The following CUL7 variants were observed in gnomAD, a reference collection of about 807,000 sequenced individuals.
The protein encoded by CUL7 is cullin-7.
A neutral mutation model predicts 177.7 loss-of-function variants in CUL7; 96 were observed. That is an observed-to-expected ratio of 0.54 (90% CI 0.46 to 0.64). The LOEUF is 0.64. Ranked by LOEUF, CUL7 falls within the 30% of genes least tolerant of loss-of-function variation. The probability of loss-of-function intolerance (pLI) is 0.00; values close to 1 mark genes in which losing one functional copy is unlikely to be tolerated. For synonymous variants in CUL7, 824 were observed against 890.2 expected (o/e 0.93, Z 1.32); for missense variants, 1,893 against 2,187.9 (o/e 0.87, Z 2.69).
rs1308992675 is a variant in CUL7, at chr6:43,048,512, T to C, written c.1883A>G (p.Tyr628Cys). The change falls in exon 8 of 26, where the codon TAT becomes TGT. Residue 628 changes from tyrosine to cysteine, a missense_variant. Tyr to Cys is a radical substitution (Grantham distance 194). Coordinates refer to ENST00000265348, the MANE Select transcript of CUL7 (RefSeq NM_014780.5). ...CAGGAGGATTTTCCCAGCTGGACCA[T>C]AACCCTCCACCAGACGCTGCAGGGG... is the stretch of plus-strand genomic sequence containing the variant. Reference protein sequence around the residue: ...NTPLQRLVEGYGPAGKILLDL... With the variant: ...NTPLQRLVEGCGPAGKILLDL... 1.9e-6 allele frequency: 3 copies of C among 1,614,118 alleles called. No homozygotes were observed. Among genetic ancestry groups the C allele is most frequent in the East Asian group, 2.2e-5 (1 of 44,878 alleles).
chr6:43,039,196 C>T (rs535028437), intron 22 of CUL7, among the ~76,000 whole-genome samples: 12 of 152,316 alleles, frequency 7.9e-5, no homozygotes, highest in African/African-American at 1.4e-4. Context: ...GGGAGCTATC[C>T]TATGCCTAGC....
chr6:43,040,256 G>T lies in CUL7; in HGVS notation c.4194C>A (p.Ser1398=). ...EVSVLVLSRH[S]WPVASICHTL... ...TGTGGCAGATTGAGGCAACAGGCCAGGAGTGTCGGGACAGGACAAGCACAG... is the reference window on the plus strand; with the variant it reads ...TGTGGCAGATTGAGGCAACAGGCCATGAGTGTCGGGACAGGACAAGCACAG... Residue 1398 remains serine (S), a synonymous_variant, in exon 22 of 26, where the codon TCC becomes TCA. Coordinates refer to ENST00000265348, the MANE Select transcript of CUL7 (RefSeq NM_014780.5). The surrounding 1 kb of genome is among the most constrained non-coding windows in gnomAD (Gnocchi z 4.2). 1 of 1,614,174 alleles carries T rather than the reference G, an allele frequency of 6.2e-7. No homozygotes were observed. The highest frequency in any genetic ancestry group is 1.1e-5 in the South Asian group (1 of 91,078).
chr6:43,050,376 C>G lies in CUL7; in HGVS notation c.1256G>C (p.Arg419Pro), dbSNP rs780120073. 1 of 1,614,092 alleles carries G rather than the reference C, an allele frequency of 6.2e-7. No homozygotes were observed. The highest frequency in any genetic ancestry group is 1.3e-5 in the African/African-American group (1 of 75,014). ...CATGTGCCAGTGCACCCAATAGGTGCGGCCTGTTGACTCCCAAAATACCTG... is the reference window on the plus strand; with the variant it reads ...CATGTGCCAGTGCACCCAATAGGTGGGGCCTGTTGACTCCCAAAATACCTG... The part of the protein sequence containing the change: ...PVQVFWESTG[R>P]TYWVHWHMLE... The change falls in exon 5 of 26, where the codon CGC becomes CCC. Residue 419 changes from arginine (R) to proline (P), a missense_variant. Physicochemically the swap from Arg to Pro is moderately radical, Grantham distance 103. This residue lies in a region of CUL7 where 653 missense variants were observed against 725.2 expected (regional missense o/e 0.90). Transcript: ENST00000265348. This position sits in a 1 kb window ranked among gnomAD's most constrained non-coding sequence, Gnocchi z 4.1.
At position 43,049,411 on chromosome 6, in the gene CUL7, C is replaced by T; in HGVS notation, c.1821G>A (p.Val607=). 6.2e-7 allele frequency: 1 copy of T among 1,614,180 alleles called. No individual in the cohort carries two copies. ...GCTGCTGTGTCTGGCACCCACCTTCCACTTTGGCTGCATCTTCTGAGTCCT... is the reference window on the plus strand; with the variant it reads ...GCTGCTGTGTCTGGCACCCACCTTCTACTTTGGCTGCATCTTCTGAGTCCT... The part of the protein sequence containing the change: ...QAKDSEDAAK[V]EAKEPPSQSP... The change falls in exon 7 of 26, where the codon GTG becomes GTA. Residue 607 remains valine (V), a synonymous_variant. Coordinates refer to ENST00000265348, the MANE Select transcript of CUL7 (RefSeq NM_014780.5).
chr6:43,045,171 T>G lies in CUL7; in HGVS notation c.3038+56A>C. On this transcript the variant is annotated intron_variant, in intron 15 of 25. Transcript: ENST00000265348. This position sits in a 1 kb window ranked among gnomAD's most constrained non-coding sequence, Gnocchi z 4.8. ...CTATGGACCCCTGCCTGCCAGCTATTTGCAATAGCCTTACCTTTCCCACAG... is the reference window on the plus strand; with the variant it reads ...CTATGGACCCCTGCCTGCCAGCTATGTGCAATAGCCTTACCTTTCCCACAG... The G allele has an allele frequency of 6.3e-7, 1 of 1,578,464 alleles. No individual in the cohort carries two copies. The highest frequency in any genetic ancestry group is 8.6e-7 in the Non-Finnish European group (1 of 1,161,140).
rs760139604 is a variant in CUL7 at position 43,051,795 on chromosome 6, C to T, written c.581-32G>A. 1.9e-5 allele frequency: 31 copies of T among 1,612,208 alleles called. No individual in the cohort carries two copies. Among genetic ancestry groups the T allele is most frequent in the Admixed American group, 5.0e-5 (3 of 60,002 alleles). ...CCCACACCCCAGTTGGTAACTTCTCCCTAATCTCACCCTTCCTAGAAATCT... is the reference window on the plus strand; with the variant it reads ...CCCACACCCCAGTTGGTAACTTCTCTCTAATCTCACCCTTCCTAGAAATCT... On this transcript the variant is annotated intron_variant, in intron 2 of 25. Coordinates refer to ENST00000265348, the MANE Select transcript of CUL7 (RefSeq NM_014780.5). This position sits in a 1 kb window ranked among gnomAD's most constrained non-coding sequence, Gnocchi z 5.0.
rs1264697540 is a variant in CUL7, at chr6:43,040,169, G to C, written c.4281C>G (p.Asn1427Lys). 6.2e-7 allele frequency: 1 copy of C among 1,614,192 alleles called. No individual in the cohort carries two copies. The highest frequency in any genetic ancestry group is 8.5e-7 in the Non-Finnish European group (1 of 1,180,038). ...CTGGCTGCTCACTCTTGTTGTAGAA[G>C]TTGGAGTATCTGTTCAAAGTGCCCC... is the stretch of plus-strand genomic sequence containing the variant. ...YLRGTLNRYS[N>K]FYNKSQSHPA... Residue 1427 changes from asparagine to lysine, a missense_variant, in exon 22 of 26, where the codon AAC becomes AAG. Asn to Lys is a moderately conservative substitution (Grantham distance 94). Transcript: ENST00000265348. This position sits in a 1 kb window ranked among gnomAD's most constrained non-coding sequence, Gnocchi z 4.2.
Position 43,038,999 on chromosome 6 carries a change from A to AG in CUL7, c.4295-13dup. ...AGGGTGGCTCTGACCTGGACCAGGA[A>AG]GGGGGAGGGAGACAAAGAGCAGGTG... On this transcript the variant is annotated splice_polypyrimidine_tract_variant and intron_variant, in intron 22 of 25. Coordinates refer to ENST00000265348, the MANE Select transcript of CUL7 (RefSeq NM_014780.5). 6.3e-7 allele frequency: 1 copy of AG among 1,587,070 alleles called. No homozygotes were observed. The highest frequency in any genetic ancestry group is 8.7e-7 in the Non-Finnish European group (1 of 1,155,470).
chr6:43,048,531 G>C lies in CUL7; in HGVS notation c.1864C>G (p.Gln622Glu), dbSNP rs1409592598. The C allele has an allele frequency of 6.2e-7, 1 of 1,614,072 alleles. No individual in the cohort carries two copies. The highest frequency in any genetic ancestry group is 1.3e-5 in the African/African-American group (1 of 74,926). Residue 622 changes from glutamine to glutamate, a missense_variant, in exon 8 of 26, where the codon CAG becomes GAG. Physicochemically the swap from Gln to Glu is conservative, Grantham distance 29. Around this residue, in one of 5 missense-constraint regions of CUL7, gnomAD observed 973 missense variants for 1,140.9 expected, o/e 0.85. Transcript: ENST00000265348. ...GGACCATAACCCTCCACCAGACGCTGCAGGGGAGTGTTGGGACTCTGAGAT... is the reference window on the plus strand; with the variant it reads ...GGACCATAACCCTCCACCAGACGCTCCAGGGGAGTGTTGGGACTCTGAGAT... The part of the protein sequence containing the change: ...PPSQSPNTPL[Q>E]RLVEGYGPAG...
Position 43,049,483 on chromosome 6 carries a change from T to C in CUL7, c.1749A>G (p.Leu583=), listed in dbSNP as rs775748613. The change falls in exon 7 of 26, where the codon CTA becomes CTG. Residue 583 remains leucine (L), a synonymous_variant. Coordinates refer to ENST00000265348, the MANE Select transcript of CUL7 (RefSeq NM_014780.5). ...LAGNQAYPSL[L]EAQEDVLLLD... ...GCAGGAGGACATCTTCTTGGGCTTC[T>C]AGAAGGGATGGGTAGGCTTGGTTCC... 2.4e-5 allele frequency: 38 copies of C among 1,614,128 alleles called. No individual in the cohort carries two copies. In the East Asian group the frequency reaches 7.3e-4, roughly 31 times the overall value.
chr6:43,044,442 T>C (rs1367583399), intron 16 of CUL7, among the ~76,000 whole-genome samples: 1 of 151,468 alleles, frequency 6.6e-6, no homozygotes, highest in Non-Finnish European at 1.5e-5. Context: ...GAGGTTGCAG[T>C]GAGCCAAGAT....
chr6:43,043,509 G>T lies in CUL7; in HGVS notation c.3294C>A (p.His1098Gln), dbSNP rs1299247422. 6.2e-7 allele frequency: 1 copy of T among 1,614,182 alleles called. No individual in the cohort carries two copies. Among genetic ancestry groups the T allele is most frequent in the Admixed American group, 1.7e-5 (1 of 60,024 alleles). The change falls in exon 17 of 26, where the codon CAC becomes CAA. Residue 1098 changes from histidine to glutamine, a missense_variant. By Grantham distance (24) the His-to-Gln change is conservative. This residue lies in a region of CUL7 where 973 missense variants were observed against 1,140.9 expected (regional missense o/e 0.85). Transcript: ENST00000265348. This position sits in a 1 kb window ranked among gnomAD's most constrained non-coding sequence, Gnocchi z 4.2. ...AFFSRVRRLTHLLVHVEPCEA... is the reference protein window; with the variant it reads ...AFFSRVRRLTQLLVHVEPCEA... ...CACAGGGCTCGACATGCACCAGCAG[G>T]TGAGTGAGACGGCGCACCCGCGAGA...
chr6:43,050,197 G>A lies in CUL7; in HGVS notation c.1373-38C>T. ...GCCAAGGGGCACAAGGATGTCACTA[G>A]CAACTCAGCAGGACCACCATTCCTC... On this transcript the variant is annotated intron_variant, in intron 5 of 25. Transcript: ENST00000265348. This position sits in a 1 kb window ranked among gnomAD's most constrained non-coding sequence, Gnocchi z 4.1. The A allele has an allele frequency of 6.2e-7, 1 of 1,614,118 alleles. No homozygotes were observed.
At position 43,046,893 on chromosome 6, in the gene CUL7, C is replaced by T. The variant is rs1305192331; in HGVS notation, c.2384G>A (p.Gly795Glu). 5 of 1,600,110 alleles carry T rather than the reference C, an allele frequency of 3.1e-6. No homozygotes were observed. In the Admixed American group the frequency reaches 8.3e-5, roughly 27 times the overall value. ...LYRKLITNIL[G>E]GCIQMVLGQI... ...CTTCCTCCTGACCTGGATGCAGCCT[C>T]CCAGGATGTTGGTGATGAGTTTGCG... is the stretch of plus-strand genomic sequence containing the variant. Residue 795 changes from glycine (G) to glutamate (E), a missense_variant, in exon 10 of 26, where the codon GGA (glycine) becomes GAA (glutamate). Transcript: ENST00000265348.
chr6:43,051,832 C>A lies in CUL7; in HGVS notation c.581-69G>T. The A allele has an allele frequency of 3.8e-6, 6 of 1,564,696 alleles. No homozygotes were observed. Among genetic ancestry groups the A allele is most frequent in the Non-Finnish European group, 5.3e-6 (6 of 1,135,924 alleles). ...CTTCCTAGAAATCTTAGACCCTCTA[C>A]TCTTTCAATCCAATCCTTTTGCCAC... On this transcript the variant is annotated intron_variant, in intron 2 of 25. Coordinates refer to ENST00000265348, the MANE Select transcript of CUL7 (RefSeq NM_014780.5). The surrounding 1 kb of genome is among the most constrained non-coding windows in gnomAD (Gnocchi z 5.0).
Position 43,040,128 on chromosome 6 carries a change from T to TC in CUL7, c.4294+27dup, listed in dbSNP as rs763013291. On this transcript the variant is annotated intron_variant, in intron 22 of 25. Coordinates refer to ENST00000265348, the MANE Select transcript of CUL7 (RefSeq NM_014780.5). The surrounding 1 kb of genome is among the most constrained non-coding windows in gnomAD (Gnocchi z 4.2). ...TCCTAGCAGCCCACCCTCTCCCCAG[T>TC]CCCCAGTCCCTCTGCCTGGCTGCTC... 5.3e-5 allele frequency: 86 copies of TC among 1,613,970 alleles called. 1 individual carries two copies. The East Asian group carries it at 1.3e-3, about 24-fold the overall frequency.
At position 43,048,118 on chromosome 6, in the gene CUL7, C is replaced by A. The variant is rs373489255; in HGVS notation, c.2169+30G>T. Reference sequence around the variant, plus strand: ...CAGTGGCTGCCTTTATCCTCTCCCCCAGCCTCTCCCCAGAGCAGGGCAGGG... The same window carrying A: ...CAGTGGCTGCCTTTATCCTCTCCCCAAGCCTCTCCCCAGAGCAGGGCAGGG... On this transcript the variant is annotated intron_variant, in intron 9 of 25. Transcript: ENST00000265348. 6.1e-6 allele frequency: 9 copies of A among 1,480,164 alleles called. No individual in the cohort carries two copies. The African/African-American group carries it at 1.1e-4, about 18-fold the overall frequency. 91.7% of individuals were successfully genotyped at this position (1,480,164 alleles called of 1,614,324 possible).
rs773400354 is a variant in CUL7 at position 43,043,536 on chromosome 6, G to T, written c.3267C>A (p.Phe1089Leu). 10 of 1,614,054 alleles carry T rather than the reference G, an allele frequency of 6.2e-6. No individual in the cohort carries two copies. The highest frequency in any genetic ancestry group is 4.5e-5 in the East Asian group (2 of 44,888). Residue 1089 changes from phenylalanine to leucine, a missense_variant, in exon 17 of 26, where the codon TTC (phenylalanine) becomes TTA (leucine). Phe to Leu is a conservative substitution (Grantham distance 22, BLOSUM62 0). Around this residue, in one of 5 missense-constraint regions of CUL7, gnomAD observed 973 missense variants for 1,140.9 expected, o/e 0.85. Coordinates refer to ENST00000265348, the MANE Select transcript of CUL7 (RefSeq NM_014780.5). The surrounding 1 kb of genome is among the most constrained non-coding windows in gnomAD (Gnocchi z 4.2). ...VFNPQSRGPAFFSRVRRLTHL... is the reference protein window; with the variant it reads ...VFNPQSRGPALFSRVRRLTHL... ...GAGTGAGACGGCGCACCCGCGAGAA[G>T]AAAGCTGGGCCGCGGCTCTGGGGGT...
chr6:43,041,152 G>A, intron 19 of CUL7, 77 bp from the exon 20 acceptor site: 1 of 1,458,866 alleles, frequency 6.9e-7, no homozygotes, highest in Non-Finnish European at 9.5e-7. Flanking sequence ...ATGAGGGTCT[G>A]GAAAGTAGAT....
Sources: gnomAD v4.1 joint callset for allele counts (sites outside exome capture counted in the v4.1 genomes callset) on GRCh38, gnomAD v4.1.1 for gene constraint, gnomAD v4.1.1 regional missense constraint, Gnocchi (gnomAD v3.1) non-coding constraint, MANE v1.5 for transcripts, NCBI Gene and HGNC (gene_info 2026-07-23, HGNC 2026-07-21) for gene names.